Variants in COPS4 observed in about 807,000 individuals in gnomAD.
COPS4 encodes the protein COP9 signalosome subunit 4.
COPS4 carries 8 observed loss-of-function variants against 55.1 expected under a neutral mutation model. The ratio of observed to expected loss-of-function variants is 0.15; its 90% CI spans 0.09 to 0.26. The LOEUF is 0.26. Among genes scored for constraint, COPS4 ranks in the 10% least tolerant of loss-of-function variants. COPS4 has a pLI of 1.00. For synonymous variants in COPS4, 185 were observed against 165.7 expected (o/e 1.12, Z -0.90); for missense variants, 248 against 484.0 (o/e 0.51, Z 4.58).
intron 7 of COPS4, among the ~76,000 whole-genome samples, chr4:83,064,758 C>T (rs753054711): frequency 5.2e-4 from 79 of 151,040 alleles, no homozygotes; most frequent in Non-Finnish European, 9.7e-4. Context: ...TGGGGTCTCA[C>T]TGTGTTGCCC....
intron 5 of COPS4, 79 bp downstream of exon 5, chr4:83,057,158 A>G: frequency 6.7e-7 from 1 of 1,497,636 alleles, no homozygotes; most frequent in South Asian, 1.2e-5. Context: ...CATCTGATAG[A>G]TGCTCTTAAA....
chr4:83,052,864 G>C (rs1730920092), intron 4 of COPS4, among the ~76,000 whole-genome samples: 1 of 152,194 alleles, frequency 6.6e-6, no homozygotes, highest in Non-Finnish European at 1.5e-5. Flanking sequence ...TGGGATTACA[G>C]GTGTGAGCCA....
chr4:83,039,695 G>A (rs1011052926), intron 1 of COPS4, among the ~76,000 whole-genome samples: 1 of 152,174 alleles, frequency 6.6e-6, no homozygotes. Context: ...GCAGTAGAGA[G>A]ATCATGGCTT....
At chr4:83,068,569 G>C in intron 9 of COPS4, 47 bp downstream of exon 9, 1 of 1,179,450 alleles carries the variant, frequency 8.5e-7, no homozygotes, top group Admixed American at 1.8e-5. Context: ...GCAGTGAACT[G>C]TTATATTTGT....
At chr4:83,055,348 T>C (rs1730987452) in intron 4 of COPS4, among the ~76,000 whole-genome samples, 1 of 152,148 alleles carries the variant, frequency 6.6e-6, no homozygotes, top group South Asian at 2.1e-4. Context: ...TATATGTGTA[T>C]AGAAATATAT....
chr4:83,040,946 CT>C (rs749140052), intron 1 of COPS4, among the ~76,000 whole-genome samples: 3 of 151,640 alleles, frequency 2.0e-5, no homozygotes, highest in Non-Finnish European at 4.4e-5. Context: ...AATCAACATA[CT>C]GAATTTGGTT....
chr4:83,061,181 C>CT (rs1731157586), intron 6 of COPS4, among the ~76,000 whole-genome samples: 2 of 151,066 alleles, frequency 1.3e-5, no homozygotes, highest in South Asian at 2.1e-4. Flanking sequence ...TTTTACTTTA[C>CT]TTTTTTTTCT....
chr4:83,051,491 AT>A (rs1481522707), intron 4 of COPS4, among the ~76,000 whole-genome samples: 1 of 152,108 alleles, frequency 6.6e-6, no homozygotes, highest in Non-Finnish European at 1.5e-5. Flanking sequence ...AATTCTAGAT[AT>A]GTTTTTTAAG....
In COPS4 at chr4:83,068,541, T is replaced by G; in HGVS notation, c.1087+19T>G. 1 of 1,478,466 alleles carries G rather than the reference T, an allele frequency of 6.8e-7. No individual in the cohort carries two copies. 91.6% of individuals were successfully genotyped at this position (1,478,466 alleles called of 1,614,324 possible). On this transcript the variant is annotated intron_variant, in intron 9 of 9. Coordinates refer to ENST00000264389, the MANE Select transcript of COPS4 (RefSeq NM_016129.3). ...TTTGAAAGTAAGAGGTTTTGTGTAT[T>G]TCTGTCATAATGAAATAGCAGTGAA...
At chr4:83,058,318 A>G (rs150273481) in intron 6 of COPS4, among the ~76,000 whole-genome samples, 1,785 of 152,278 alleles carry the variant, frequency 0.012, 38 homozygotes, top group African/African-American at 0.04. Context: ...CCTGGGCTCA[A>G]GTGATCCTCC....
At chr4:83,054,654 C>T (rs1164580509) in intron 4 of COPS4, among the ~76,000 whole-genome samples, 1 of 152,138 alleles carries the variant, frequency 6.6e-6, no homozygotes, top group Admixed American at 6.5e-5. Context: ...TATTCTTTAC[C>T]TAGCATTTTT....
chr4:83,070,788 GAAAT>G (rs1276011055), intron 9 of COPS4, among the ~76,000 whole-genome samples: 3 of 152,076 alleles, frequency 2.0e-5, no homozygotes, highest in Non-Finnish European at 4.4e-5. Context: ...GCATAAAAAA[GAAAT>G]AAACAAATAG....
At chr4:83,048,934 C>G (rs114477702) in intron 2 of COPS4, among the ~76,000 whole-genome samples, 1 of 152,032 alleles carries the variant, frequency 6.6e-6, no homozygotes, top group African/African-American at 2.4e-5. Context: ...CGTGAGCCAT[C>G]GCACTGGCCT....
intron 6 of COPS4, among the ~76,000 whole-genome samples, chr4:83,058,584 T>C (rs1731073542): frequency 6.6e-6 from 1 of 152,232 alleles, no homozygotes; most frequent in Admixed American, 6.5e-5. Context: ...ACGCAGTACA[T>C]GAACATGGTA....
chr4:83,075,255 C>G, intron 9 of COPS4, 42 bp from the exon 10 acceptor site: 1 of 1,600,212 alleles, frequency 6.2e-7, no homozygotes, highest in Non-Finnish European at 8.5e-7. Flanking sequence ...GCTGTGAATA[C>G]AAAGGAATAA....
chr4:83,075,628 G>A lies in COPS4; in HGVS notation c.*198G>A, dbSNP rs1486546585. 2.0e-6 allele frequency: 1 copy of A among 488,472 alleles called. No homozygotes were observed. The highest frequency in any genetic ancestry group is 3.5e-5 in the East Asian group (1 of 28,640). The allele number at this position is 488,472 out of a possible 1,614,324, so 30.3% of individuals were successfully genotyped here. A position where few individuals can be genotyped will look rare whatever the true frequency, so the allele number is the denominator to read the frequency against. ...TTCCCATATATTTCAGGGTCTCTGT[G>A]TATTAAGCTAACTCAGATGTTTTGA... On this transcript the variant is annotated 3_prime_UTR_variant, in exon 10 of 10. Coordinates refer to ENST00000264389, the MANE Select transcript of COPS4 (RefSeq NM_016129.3).
chr4:83,046,857 AC>A (rs1290214509), intron 2 of COPS4, among the ~76,000 whole-genome samples: 5 of 152,184 alleles, frequency 3.3e-5, no homozygotes, highest in Admixed American at 6.6e-5. Context: ...GGATTGAGTA[AC>A]TTTTTTTCAA....
At chr4:83,056,614 C>T (rs1379428707) in intron 4 of COPS4, among the ~76,000 whole-genome samples, 4 of 151,914 alleles carry the variant, frequency 2.6e-5, no homozygotes, top group East Asian at 1.9e-4. Context: ...CTGGCTAACA[C>T]GATGAAACCC....
chr4:83,073,832 C>A (rs775903462), intron 9 of COPS4, among the ~76,000 whole-genome samples: 2 of 152,090 alleles, frequency 1.3e-5, no homozygotes, highest in African/African-American at 2.4e-5. Context: ...TGGTGCATGC[C>A]TGTAGTCCCA....
Sources: allele counts gnomAD v4.1 joint callset (sites outside exome capture counted in the v4.1 genomes callset), GRCh38; gene constraint gnomAD v4.1.1; transcripts MANE v1.5; gene names NCBI Gene and HGNC (gene_info 2026-07-23, HGNC 2026-07-21).